Variants in ANKRD18A observed in about 807,000 individuals in gnomAD.
The protein encoded by ANKRD18A is ankyrin repeat domain 18A.
ANKRD18A carries 72 observed loss-of-function variants against 110.6 expected under a neutral mutation model. The observed-to-expected ratio is 0.65, with a 90% CI of 0.54 to 0.79. The LOEUF is 0.79. ANKRD18A is among the 30% of genes least tolerant of loss of function. The pLI, the probability that ANKRD18A is intolerant of heterozygous loss-of-function variation, is 0.00. For missense variants in ANKRD18A, 934 were observed against 1,163.3 expected, an observed-to-expected ratio of 0.80 and a Z score of 2.87; for synonymous variants, 305 against 410.3, an observed-to-expected ratio of 0.74 and a Z score of 3.10.
Position 38,593,759 on chromosome 9 carries a change from C to G in ANKRD18A, c.2004+1G>C, listed in dbSNP as rs1245076048. 3 of 1,526,662 alleles carry G rather than the reference C, an allele frequency of 2.0e-6. No individual in the cohort carries two copies. In the Admixed American group the frequency reaches 6.4e-5, roughly 33 times the overall value. The allele number at this position is 1,526,662 out of a possible 1,614,324, so 94.6% of individuals were successfully genotyped here. On this transcript the variant is annotated splice_donor_variant, in intron 10 of 15. Transcript: ENST00000399703. LOFTEE classifies it high-confidence loss of function. ...GTCTACATGTTAAATTCCATACATA[C>G]TTGAATTTCTACTTGAAATAATTTC...
chr9:38,577,206 A>G lies in ANKRD18A; in HGVS notation c.2588T>C (p.Leu863Pro). 1 of 1,546,886 alleles carries G rather than the reference A, an allele frequency of 6.5e-7. No homozygotes were observed. Among genetic ancestry groups the G allele is most frequent in the Non-Finnish European group, 8.7e-7 (1 of 1,146,030 alleles). ...EQLNKDNTASLKKKELTLKDV... is the reference protein window; with the variant it reads ...EQLNKDNTASPKKKELTLKDV... ...TTTAAGTGTGAGTTCCTTCTTTTTT[A>G]GTGAAGCCGTATTATCCTTGTTTAA... Residue 863 changes from leucine to proline, a missense_variant, in exon 14 of 16, where the codon CTA (leucine) becomes CCA (proline). Physicochemically the swap from Leu to Pro is moderately conservative, Grantham distance 98. Around this residue, in one of 4 missense-constraint regions of ANKRD18A, gnomAD observed 223 missense variants for 226.7 expected, o/e 0.98. Transcript: ENST00000399703.
rs73450378 is a variant in ANKRD18A, at chr9:38,619,218, G to A, written c.206+862C>T. Among the ~76,000 whole-genome samples the A allele has an allele frequency of 3.3e-3, 504 of 152,060 alleles. 2 individuals are homozygous for A. The highest frequency in any genetic ancestry group is 0.012 in the African/African-American group (490 of 41,484). On this transcript the variant is annotated intron_variant, in intron 1 of 15. Transcript: ENST00000399703. ...TTCTTCTGGTACTTTTTCTCATTTTGCATGTGTAAAAATTTCAGTCTGAAT... is the reference window on the plus strand; with the variant it reads ...TTCTTCTGGTACTTTTTCTCATTTTACATGTGTAAAAATTTCAGTCTGAAT...
chr9:38,598,625 A>G (rs1824991453), intron 8 of ANKRD18A, among the ~76,000 whole-genome samples: 1 of 152,218 alleles, frequency 6.6e-6, no homozygotes, highest in Non-Finnish European at 1.5e-5. Flanking sequence ...TCTTCTAGAC[A>G]TGCTTTTGAT....
At chr9:38,566,834 T>C (rs1823495771), downstream of ANKRD18A, 1 of 152,072 alleles carries the variant, frequency 6.6e-6, no homozygotes, top group African/African-American at 2.4e-5. Context: ...AATGACCAGG[T>C]GTCATGAGAA....
At chr9:38,617,904 G>C (rs1303618043) in intron 1 of ANKRD18A, among the ~76,000 whole-genome samples, 1 of 152,076 alleles carries the variant, frequency 6.6e-6, no homozygotes, top group Non-Finnish European at 1.5e-5. Context: ...CAATATTTTT[G>C]TGATAGTAAT....
chr9:38,609,349 C>T (rs1045428594), intron 5 of ANKRD18A, among the ~76,000 whole-genome samples: 5 of 152,036 alleles, frequency 3.3e-5, no homozygotes, highest in Non-Finnish European at 7.4e-5. Flanking sequence ...GGGATGGTGG[C>T]GGGCGCCTGT....
intron 10 of ANKRD18A, 145 bp from the exon 11 acceptor site, chr9:38,588,808 G>T: frequency 2.0e-6 from 1 of 492,678 alleles, no homozygotes; most frequent in Non-Finnish European, 3.1e-6. Context: ...CCAATAACGA[G>T]ATTTCAAAAC....
At chr9:38,603,752 A>G (rs1385507246) in intron 6 of ANKRD18A, among the ~76,000 whole-genome samples, 5 of 152,114 alleles carry the variant, frequency 3.3e-5, no homozygotes, top group Non-Finnish European at 7.3e-5. Context: ...CTAAATCTCA[A>G]ATTGAATCTA....
intron 3 of ANKRD18A, among the ~76,000 whole-genome samples, chr9:38,614,154 A>G (rs1422442402): frequency 1.3e-5 from 2 of 151,598 alleles, no homozygotes; most frequent in Non-Finnish European, 2.9e-5. Flanking sequence ...TTTGACATAC[A>G]GGAATTTATA....
At chr9:38,583,923 G>A (rs745564607) in intron 12 of ANKRD18A, among the ~76,000 whole-genome samples, 17 of 152,190 alleles carry the variant, frequency 1.1e-4, no homozygotes, top group Non-Finnish European at 2.1e-4. Flanking sequence ...TAAAACGTCC[G>A]GTGCAGATAA....
intron 11 of ANKRD18A, among the ~76,000 whole-genome samples, chr9:38,588,185 A>G (rs975852879): frequency 1.3e-5 from 2 of 152,176 alleles, no homozygotes; most frequent in Non-Finnish European, 2.9e-5. Context: ...ACATATTTTT[A>G]ATATAAATTT....
chr9:38,601,250 T>C (rs1172540610), intron 7 of ANKRD18A, 46 bp from the exon 8 acceptor site: 1 of 1,488,810 alleles, frequency 6.7e-7, no homozygotes, highest in South Asian at 1.3e-5. Flanking sequence ...TTAAAGACTA[T>C]AATCTTTATA....
At chr9:38,597,069 C>T (rs1824916117) in intron 8 of ANKRD18A, among the ~76,000 whole-genome samples, 1 of 152,158 alleles carries the variant, frequency 6.6e-6, no homozygotes, top group African/African-American at 2.4e-5. Flanking sequence ...TCTAGTTCTC[C>T]ATCAGATCAC....
chr9:38,591,319 G>A (rs1272195777), intron 10 of ANKRD18A, among the ~76,000 whole-genome samples: 1 of 152,130 alleles, frequency 6.6e-6, no homozygotes, highest in East Asian at 1.9e-4. Context: ...AAGCCAGAAG[G>A]GCTGGGTCTG....
intron 5 of ANKRD18A, among the ~76,000 whole-genome samples, chr9:38,607,757 A>G (rs933029538): frequency 6.6e-6 from 1 of 152,236 alleles, no homozygotes; most frequent in African/African-American, 2.4e-5. Flanking sequence ...ACTGTCCTGC[A>G]TTCACAGTAA....
chr9:38,580,340 C>T (rs1320378525), intron 12 of ANKRD18A, among the ~76,000 whole-genome samples: 1 of 152,186 alleles, frequency 6.6e-6, no homozygotes, highest in African/African-American at 2.4e-5. Flanking sequence ...GTTGAGGCTG[C>T]AGTGAGCTAT....
At chr9:38,575,409 A>T in intron 15 of ANKRD18A, 67 bp downstream of exon 15, 5 of 1,426,042 alleles carry the variant, frequency 3.5e-6, no homozygotes. Context: ...TCAGTATTTC[A>T]TCAAATTATA....
At chr9:38,594,085 G>A (rs1017853754) in intron 9 of ANKRD18A, among the ~76,000 whole-genome samples, 176 bp from the exon 10 acceptor site, 1 of 152,176 alleles carries the variant, frequency 6.6e-6, no homozygotes, top group African/African-American at 2.4e-5. Context: ...CATAGAAGGT[G>A]TTATATTCCT....
In ANKRD18A at chr9:38,603,223, T is replaced by C. The variant is rs631858; in HGVS notation, c.809-11A>G. ...TCATAGCTGCTGTTTCTGTCAAACATGCAAACTTGTTAGATATTCCTTCTG... is the reference window on the plus strand; with the variant it reads ...TCATAGCTGCTGTTTCTGTCAAACACGCAAACTTGTTAGATATTCCTTCTG... On this transcript the variant is annotated splice_polypyrimidine_tract_variant and intron_variant, in intron 6 of 15. Transcript: ENST00000399703. 3.9e-6 allele frequency: 6 copies of C among 1,551,034 alleles called. No individual in the cohort carries two copies. The highest frequency in any genetic ancestry group is 1.2e-5 in the South Asian group (1 of 84,038).
Sources: gnomAD v4.1 joint callset for allele counts (sites outside exome capture counted in the v4.1 genomes callset) on GRCh38, gnomAD v4.1.1 for gene constraint, gnomAD v4.1.1 regional missense constraint, MANE v1.5 for transcripts, NCBI Gene and HGNC (gene_info 2026-07-23, HGNC 2026-07-21) for gene names.